Variants in SMARCC1 observed in about 807,000 individuals in gnomAD.
The protein encoded by SMARCC1 is SWI/SNF complex subunit SMARCC1.
In SMARCC1, 43 loss-of-function variants were observed where a neutral mutation model predicts 147.4. The ratio of observed to expected loss-of-function variants is 0.29; its 90% confidence interval spans 0.23 to 0.38. The LOEUF is 0.38. Ranked by LOEUF, SMARCC1 falls within the 10% of genes least tolerant of loss-of-function variation. The pLI, the probability that SMARCC1 is intolerant of heterozygous loss-of-function variation, is 1.00. For missense variants in SMARCC1, 1,119 were observed against 1,381.1 expected (o/e 0.81, Z 3.01); for synonymous variants, 495 against 484.4 (o/e 1.02, Z -0.29).
At chr3:47,589,418 CAGTGATACTACCTCTGCAAT>C (rs1481091733) in intron 27 of SMARCC1, among the ~76,000 whole-genome samples, 20 of 152,212 alleles carry the variant, frequency 1.3e-4, no homozygotes, top group Admixed American at 2.6e-4. Context: ...TGGTAAAGAC[CAGTGATACTACCTCTGCAAT>C]AGGGATGGAA....
At chr3:47,629,765 G>A (rs1370103259) in intron 24 of SMARCC1, among the ~76,000 whole-genome samples, 1 of 152,086 alleles carries the variant, frequency 6.6e-6, no homozygotes, top group African/African-American at 2.4e-5. Context: ...AGTACTGAGT[G>A]ACTCTAGTCA....
rs914890706 is a variant in SMARCC1, at chr3:47,586,280, T to G, written c.*1929A>C. On this transcript the variant is annotated 3_prime_UTR_variant, in exon 28 of 28. Transcript: ENST00000254480. ...ATGAACCAGAATTCCATTTTCCTTC[T>G]CGGACTCCAGGGGAAAAAAGAAGTA... is the stretch of plus-strand genomic sequence containing the variant. 1.3e-5 allele frequency: 2 copies of G among 152,212 alleles called. No homozygotes were observed. The highest frequency in any genetic ancestry group is 2.9e-5 in the Non-Finnish European group (2 of 68,034). 9.4% of individuals were successfully genotyped at this position (152,212 alleles called of 1,614,324 possible).
intron 10 of SMARCC1, among the ~76,000 whole-genome samples, chr3:47,705,344 C>CGG (rs1559649803): frequency 1.4e-5 from 2 of 141,832 alleles, no homozygotes; most frequent in Non-Finnish European, 3.0e-5. Context: ...AAAAAAAAAA[C>CGG]GAACTATAAA....
intron 26 of SMARCC1, among the ~76,000 whole-genome samples, chr3:47,606,292 C>G (rs1339486366): frequency 6.6e-6 from 1 of 152,128 alleles, no homozygotes; most frequent in African/African-American, 2.4e-5. Flanking sequence ...GCTATAAATC[C>G]CCTTAGTCTT....
At chr3:47,708,097 T>TCTTTC (rs1239784140) in intron 9 of SMARCC1, among the ~76,000 whole-genome samples, 2 of 113,500 alleles carry the variant, frequency 1.8e-5, no homozygotes, top group Non-Finnish European at 3.6e-5. Context: ...TTTTTTTTTT[T>TCTTTC]TTTTTTTTTT....
intron 2 of SMARCC1, among the ~76,000 whole-genome samples, chr3:47,760,283 G>C (rs1263724346): frequency 6.6e-6 from 1 of 152,156 alleles, no homozygotes; most frequent in Non-Finnish European, 1.5e-5. Flanking sequence ...CTGCATTCCA[G>C]CCTGGGCAAC....
At chr3:47,657,543 C>T (rs1460717801) in intron 21 of SMARCC1, among the ~76,000 whole-genome samples, 2 of 152,036 alleles carry the variant, frequency 1.3e-5, no homozygotes, top group Non-Finnish European at 2.9e-5. Context: ...CACGCCTGTA[C>T]TCCCAGCACT....
chr3:47,683,422 A>G (rs2033679670), intron 14 of SMARCC1, among the ~76,000 whole-genome samples: 1 of 152,222 alleles, frequency 6.6e-6, no homozygotes. Context: ...AAAATAAGGC[A>G]TATCAAGTGG....
chr3:47,605,537 G>A (rs957230872), intron 26 of SMARCC1, among the ~76,000 whole-genome samples: 3 of 152,136 alleles, frequency 2.0e-5, no homozygotes, highest in African/African-American at 7.2e-5. Context: ...TTTGGGAGGC[G>A]GAGGCGGGAG....
intron 24 of SMARCC1, among the ~76,000 whole-genome samples, chr3:47,633,779 T>TATACACAC (rs1367543059): frequency 0.026 from 737 of 28,720 alleles, 39 homozygotes; most frequent in South Asian, 0.048. Flanking sequence ...TATATATATA[T>TATACACAC]ACACACACAC....
chr3:47,696,831 A>G (rs2033858074), intron 11 of SMARCC1, among the ~76,000 whole-genome samples: 1 of 152,114 alleles, frequency 6.6e-6, no homozygotes. Flanking sequence ...CCAAGTGTGA[A>G]TAAATTTCGA....
chr3:47,716,680 A>C (rs938017059), intron 7 of SMARCC1, among the ~76,000 whole-genome samples: 3 of 152,218 alleles, frequency 2.0e-5, no homozygotes, highest in Non-Finnish European at 2.9e-5. Context: ...TCATAAATTT[A>C]AGTTTCCATT....
chr3:47,675,623 C>G, intron 17 of SMARCC1, 35 bp from the exon 18 acceptor site: 2 of 1,150,792 alleles, frequency 1.7e-6, no homozygotes, highest in Non-Finnish European at 2.6e-6. Context: ...CTGAGTTAGC[C>G]TCTTTAAAGT....
chr3:47,612,710 C>T (rs571511115), intron 25 of SMARCC1, among the ~76,000 whole-genome samples: 3 of 147,306 alleles, frequency 2.0e-5, no homozygotes, highest in African/African-American at 7.3e-5. Flanking sequence ...TTTCATCTGT[C>T]ATTTTAAAAC....
At chr3:47,659,028 G>A (rs997083017) in intron 21 of SMARCC1, among the ~76,000 whole-genome samples, 1 of 149,240 alleles carries the variant, frequency 6.7e-6, no homozygotes, top group African/African-American at 2.5e-5. Context: ...TGAGCAGGGA[G>A]AATTGCTTGA....
intron 26 of SMARCC1, among the ~76,000 whole-genome samples, chr3:47,595,714 A>T (rs2032264768): frequency 6.6e-6 from 1 of 150,826 alleles, no homozygotes; most frequent in South Asian, 2.1e-4. Context: ...TATTACACCG[A>T]GGCTTATAAA....
chr3:47,692,607 G>A (rs982878262), intron 12 of SMARCC1, among the ~76,000 whole-genome samples: 1 of 152,184 alleles, frequency 6.6e-6, no homozygotes, highest in African/African-American at 2.4e-5. Context: ...AGATCACTAA[G>A]AATGGCAACA....
In SMARCC1 at chr3:47,663,584, C is replaced by G. The variant is rs910716556; in HGVS notation, c.1900-992G>C. ...AACACAGCAAGACCCTGTCTTAGGT[C>G]GCGATTTTCTCCTGCTGCTGTGGCC... On this transcript the variant is annotated intron_variant, in intron 19 of 27. Transcript: ENST00000254480. The G allele has an allele frequency of 3.6e-6, 5 of 1,395,644 alleles. No homozygotes were observed. In the African/African-American group the frequency reaches 7.1e-5, roughly 20 times the overall value. The allele number at this position is 1,395,644 out of a possible 1,614,324, so 86.5% of individuals were successfully genotyped here.
At chr3:47,673,514 C>A (rs1413075022) in intron 18 of SMARCC1, among the ~76,000 whole-genome samples, 1 of 149,566 alleles carries the variant, frequency 6.7e-6, no homozygotes, top group Non-Finnish European at 1.5e-5. Context: ...CATGGAGAAA[C>A]CCTGTCTCTA....
Sources: gnomAD v4.1 joint callset for allele counts (sites outside exome capture counted in the v4.1 genomes callset) on GRCh38, gnomAD v4.1.1 for gene constraint, MANE v1.5 for transcripts, NCBI Gene and HGNC (gene_info 2026-07-23, HGNC 2026-07-21) for gene names.